The following CSRNP3 variants were observed in gnomAD, a reference collection of about 807,000 sequenced individuals.
CSRNP3 encodes the protein cysteine and serine rich nuclear protein 3.
A neutral mutation model predicts 48.0 loss-of-function variants in CSRNP3; 12 were observed. The ratio of observed to expected loss-of-function variants is 0.25; its 90% CI spans 0.16 to 0.41. CSRNP3 has a LOEUF of 0.41. CSRNP3 is among the 10% of genes least tolerant of loss of function. CSRNP3 has a pLI of 1.00. For missense variants in CSRNP3, 580 were observed against 724.4 expected (o/e 0.80, Z 2.29); for synonymous variants, 263 against 269.7 (o/e 0.98, Z 0.24).
At position 165,674,188 on chromosome 2, in the gene CSRNP3, G is replaced by A. The variant is rs118027992; in HGVS notation, c.409-2124G>A. Among the ~76,000 whole-genome samples the A allele has an allele frequency of 5.4e-4, 82 of 152,184 alleles. No individual in the cohort carries two copies. In the East Asian group the frequency reaches 7.0e-3, roughly 13 times the overall value. On this transcript the variant is annotated intron_variant, in intron 5 of 6. Transcript: ENST00000651982. ...AGGGAATCATGCTACCCAAGTCCTG[G>A]GTGTGCTACATGTGCTGAGGAGTCA...
chr2:165,520,809 A>ATATATATG (rs1684648592), intron 3 of CSRNP3, among the ~76,000 whole-genome samples: 3 of 29,366 alleles, frequency 1.0e-4, no homozygotes, highest in African/African-American at 5.1e-4. Context: ...ATATATATAT[A>ATATATATG]TATATATATA....
At chr2:165,524,801 T>C (rs928784658) in intron 3 of CSRNP3, among the ~76,000 whole-genome samples, 14 of 152,234 alleles carry the variant, frequency 9.2e-5, no homozygotes, top group African/African-American at 2.4e-4. Context: ...AGCATTTATT[T>C]GTATGACTGT....
intron 4 of CSRNP3, among the ~76,000 whole-genome samples, chr2:165,649,842 T>TAA (rs1403649425): frequency 1.3e-5 from 2 of 152,224 alleles, no homozygotes; most frequent in African/African-American, 4.8e-5. Flanking sequence ...ACTGCCTGTG[T>TAA]TTCAGTTCTG....
intron 3 of CSRNP3, among the ~76,000 whole-genome samples, chr2:165,528,950 C>T (rs1364107716): frequency 6.6e-6 from 1 of 152,174 alleles, no homozygotes; most frequent in African/African-American, 2.4e-5. Context: ...TGGACTTGGG[C>T]ATCCCTGTGA....
Position 165,519,083 on chromosome 2 carries a change from A to G in CSRNP3, c.-24+1122A>G, listed in dbSNP as rs529175218. On this transcript the variant is annotated intron_variant, in intron 3 of 6. Transcript: ENST00000651982. ...GCCTAGAATACTGGCAGCTTATACC[A>G]ATGTGAATGTCGTTCCATTACAACC... Among the ~76,000 whole-genome samples the G allele has an allele frequency of 1.2e-4, 19 of 152,216 alleles. No individual in the cohort carries two copies. In the South Asian group the frequency reaches 3.7e-3, roughly 30 times the overall value.
rs533396976 is a variant in CSRNP3, at chr2:165,665,000, T to A, written c.408+6980T>A. Among the ~76,000 whole-genome samples, 5 of 152,314 alleles carry A rather than the reference T, an allele frequency of 3.3e-5. No homozygotes were observed. The East Asian group carries it at 9.6e-4, about 29-fold the overall frequency. Reference sequence around the variant, plus strand: ...GCTAGACATGGCCTGTAGAGAGTGATCAATAAAGTTTTGTTACATTTAATT... The same window carrying A: ...GCTAGACATGGCCTGTAGAGAGTGAACAATAAAGTTTTGTTACATTTAATT... On this transcript the variant is annotated intron_variant, in intron 5 of 6. Coordinates refer to ENST00000651982, the MANE Select transcript of CSRNP3 (RefSeq NM_001172173.2).
intron 4 of CSRNP3, among the ~76,000 whole-genome samples, chr2:165,652,865 A>G (rs1177034049): frequency 6.6e-6 from 1 of 152,148 alleles, no homozygotes; most frequent in Non-Finnish European, 1.5e-5. Context: ...ATTAATTTTC[A>G]GAGCTCTCAC....
intron 5 of CSRNP3, among the ~76,000 whole-genome samples, chr2:165,661,899 T>C (rs1003773735): frequency 6.6e-6 from 1 of 152,104 alleles, no homozygotes; most frequent in Admixed American, 6.6e-5. Context: ...AGCTAGATAG[T>C]TTTCCTTCTA....
At chr2:165,607,563 C>T (rs1370394914) in intron 4 of CSRNP3, among the ~76,000 whole-genome samples, 1 of 152,164 alleles carries the variant, frequency 6.6e-6, no homozygotes, top group African/African-American at 2.4e-5. Flanking sequence ...CTATCACTGT[C>T]ACACTGTATA....
chr2:165,641,482 C>T lies in CSRNP3; in HGVS notation c.149-16279C>T, dbSNP rs867778695. On this transcript the variant is annotated intron_variant, in intron 4 of 6. Coordinates refer to ENST00000651982, the MANE Select transcript of CSRNP3 (RefSeq NM_001172173.2). Reference sequence around the variant, plus strand: ...ATACTCAAAAAATGTCCTGTGTTATCCTTACTGAATCGTTAATCAAAGGTC... The same window carrying T: ...ATACTCAAAAAATGTCCTGTGTTATTCTTACTGAATCGTTAATCAAAGGTC... Among the ~76,000 whole-genome samples, 3 of 152,182 alleles carry T rather than the reference C, an allele frequency of 2.0e-5. No homozygotes were observed. The South Asian group carries it at 6.2e-4, about 32-fold the overall frequency.
intron 4 of CSRNP3, among the ~76,000 whole-genome samples, chr2:165,612,633 C>T (rs1686158139): frequency 6.6e-6 from 1 of 151,830 alleles, no homozygotes; most frequent in Admixed American, 6.6e-5. Flanking sequence ...CTTTTATTAG[C>T]CCAAATTTTT....
intron 4 of CSRNP3, among the ~76,000 whole-genome samples, chr2:165,615,887 GGTT>G (rs1383417770): frequency 2.4e-5 from 3 of 126,674 alleles, no homozygotes; most frequent in Non-Finnish European, 3.3e-5. Flanking sequence ...ATGTTTGTGG[GGTT>G]TTTTTTTTTT....
chr2:165,597,046 T>C (rs1685823331), intron 4 of CSRNP3, among the ~76,000 whole-genome samples: 1 of 152,202 alleles, frequency 6.6e-6, no homozygotes, highest in South Asian at 2.1e-4. Context: ...TATATATACA[T>C]GTCCTACCAC....
chr2:165,589,000 T>A (rs527549951), intron 3 of CSRNP3, among the ~76,000 whole-genome samples: 1 of 152,306 alleles, frequency 6.6e-6, no homozygotes, highest in East Asian at 1.9e-4. Flanking sequence ...AAAGCCAATT[T>A]GTAATGTTTG....
At chr2:165,560,569 CTA>C (rs1160494997) in intron 3 of CSRNP3, among the ~76,000 whole-genome samples, 1 of 152,188 alleles carries the variant, frequency 6.6e-6, no homozygotes, top group Non-Finnish European at 1.5e-5. Flanking sequence ...GTGAGTCTCT[CTA>C]TTCCCTACAG....
chr2:165,561,095 C>A (rs1685228258), intron 3 of CSRNP3, among the ~76,000 whole-genome samples: 1 of 152,130 alleles, frequency 6.6e-6, no homozygotes, highest in Admixed American at 6.6e-5. Flanking sequence ...TACTACTTGT[C>A]AAATTCTGCC....
intron 1 of CSRNP3, among the ~76,000 whole-genome samples, chr2:165,470,996 A>T (rs888032946): frequency 6.6e-6 from 1 of 151,576 alleles, no homozygotes; most frequent in Non-Finnish European, 1.5e-5. Flanking sequence ...TGTTTTTCAA[A>T]TTTTTTTATT....
Position 165,592,801 on chromosome 2 carries a change from C to T in CSRNP3, c.-23-2242C>T, listed in dbSNP as rs867306563. 1.5e-5 allele frequency among the ~76,000 whole-genome samples: 2 copies of T among 133,442 alleles called. 1 individual carries two copies. The highest frequency in any genetic ancestry group is 3.2e-5 in the Non-Finnish European group (2 of 63,128). 87.5% of individuals were successfully genotyped at this position (133,442 alleles called of 152,430 possible). A position where few individuals can be genotyped will look rare whatever the true frequency, so the allele number is the denominator to read the frequency against. On this transcript the variant is annotated intron_variant, in intron 3 of 6. Coordinates refer to ENST00000651982, the MANE Select transcript of CSRNP3 (RefSeq NM_001172173.2). Reference sequence around the variant, plus strand: ...ACTGTGAGTCAATTAAACCTCTTTTCATTTTTTTTTTTTTTTTTGAGACGG... The same window carrying T: ...ACTGTGAGTCAATTAAACCTCTTTTTATTTTTTTTTTTTTTTTTGAGACGG...
chr2:165,610,815 T>G (rs1686123887), intron 4 of CSRNP3, among the ~76,000 whole-genome samples: 1 of 152,112 alleles, frequency 6.6e-6, no homozygotes, highest in Non-Finnish European at 1.5e-5. Flanking sequence ...GCATCAACCC[T>G]TTGCAGAACT....
Sources: gnomAD v4.1 joint callset for allele counts (sites outside exome capture counted in the v4.1 genomes callset) on GRCh38, gnomAD v4.1.1 for gene constraint, MANE v1.5 for transcripts, NCBI Gene and HGNC (gene_info 2026-07-23, HGNC 2026-07-21) for gene names.